PCARE: variants seen among roughly 807,000 people sequenced by gnomAD.
The protein encoded by PCARE is photoreceptor cilium actin regulator.
A neutral mutation model predicts 82.2 loss-of-function variants in PCARE; 72 were observed. That is an observed-to-expected ratio of 0.88 (90% CI 0.72 to 1.07). The LOEUF (loss-of-function observed/expected upper bound fraction) is 1.07. PCARE is among the 50% of genes least tolerant of loss of function. The pLI, the probability that PCARE is intolerant of heterozygous loss-of-function variation, is 0.00. For missense variants in PCARE, 1,768 were observed against 1,592.4 expected (o/e 1.11, Z -1.88); for synonymous variants, 705 against 634.8 (o/e 1.11, Z -1.66).
In PCARE at chr2:29,063,383, C is replaced by G. The variant is rs1667340979; in HGVS notation, c.*1486G>C. 6.6e-6 allele frequency: 1 copy of G among 152,360 alleles called. No individual in the cohort carries two copies. Among genetic ancestry groups the G allele is most frequent in the Admixed American group, 6.5e-5 (1 of 15,280 alleles). 9.4% of individuals were successfully genotyped at this position (152,360 alleles called of 1,614,324 possible). On this transcript the variant is annotated 3_prime_UTR_variant, in exon 2 of 2. Coordinates refer to ENST00000331664, the MANE Select transcript of PCARE (RefSeq NM_001029883.3). ...AGCAGAGGGGTGGGTTGTGGCCCCT[C>G]TTGGTAGTTTAATCAGCTGTTCTTT...
intron 1 of PCARE, among the ~76,000 whole-genome samples, chr2:29,067,825 G>A (rs765190579): frequency 3.3e-5 from 5 of 152,128 alleles, no homozygotes; most frequent in African/African-American, 9.7e-5. Flanking sequence ...GATTACTGGC[G>A]TGAGCCACTG....
rs370440587 is a variant in PCARE at position 29,073,533 on chromosome 2, G to C, written c.729C>G (p.Leu243=). 1.9e-6 allele frequency: 3 copies of C among 1,614,036 alleles called. No individual in the cohort carries two copies. The African/African-American group carries it at 4.0e-5, about 22-fold the overall frequency. Residue 243 remains leucine (L), a synonymous_variant, in exon 1 of 2, where the codon CTC becomes CTG. Transcript: ENST00000331664. The part of the protein sequence containing the change: ...LGEISKDGEV[L]LQEVREDLAW... Reference sequence around the variant, plus strand: ...CCAGATCCTCCCTGACTTCCTGCAGGAGCACTTCTCCATCCTTGGAGATCT... The same window carrying C: ...CCAGATCCTCCCTGACTTCCTGCAGCAGCACTTCTCCATCCTTGGAGATCT...
chr2:29,072,958 A>G lies in PCARE; in HGVS notation c.1304T>C (p.Leu435Pro), dbSNP rs768649742. The G allele has an allele frequency of 4.3e-6, 7 of 1,613,960 alleles. No individual in the cohort carries two copies. The East Asian group carries it at 1.6e-4, about 36-fold the overall frequency. The change falls in exon 1 of 2, where the codon CTC (leucine) becomes CCC (proline). Residue 435 changes from leucine (L) to proline (P), a missense_variant. By Grantham distance (98) the Leu-to-Pro change is moderately conservative. Coordinates refer to ENST00000331664, the MANE Select transcript of PCARE (RefSeq NM_001029883.3). Reference protein sequence around the residue: ...RAQDEARSPCLSSTSPENITS... With the variant: ...RAQDEARSPCPSSTSPENITS... ...GATATTTTCTGGGCTTGTACTGGAG[A>G]GGCATGGGCTCCTTGCTTCGTCCTG...
At chr2:29,067,928 G>C (rs539460467) in intron 1 of PCARE, among the ~76,000 whole-genome samples, 8 of 152,278 alleles carry the variant, frequency 5.3e-5, no homozygotes, top group African/African-American at 1.9e-4. Flanking sequence ...AACCTTTTAG[G>C]CTGCCCTATT....
chr2:29,072,963 T>A lies in PCARE; in HGVS notation c.1299A>T (p.Pro433=). The A allele has an allele frequency of 1.2e-6, 2 of 1,614,114 alleles. No individual in the cohort carries two copies. The highest frequency in any genetic ancestry group is 1.7e-6 in the Non-Finnish European group (2 of 1,180,012). Residue 433 remains proline (P), a synonymous_variant, in exon 1 of 2, where the codon CCA becomes CCT. Transcript: ENST00000331664. ...TTTCTGGGCTTGTACTGGAGAGGCA[T>A]GGGCTCCTTGCTTCGTCCTGTGCTC... is the stretch of plus-strand genomic sequence containing the variant. ...QPRAQDEARS[P]CLSSTSPENI...
At position 29,070,878 on chromosome 2, in the gene PCARE, G is replaced by C; in HGVS notation, c.3384C>G (p.Ser1128=). The change falls in exon 1 of 2, where the codon TCC becomes TCG. Residue 1128 remains serine, a synonymous_variant. Coordinates refer to ENST00000331664, the MANE Select transcript of PCARE (RefSeq NM_001029883.3). ...NTHSIFCPAT[S]SLFEAKPPLS... is the part of the protein sequence containing the mutation. ...GTGGCGGTTTAGCTTCAAACAGAGAGGAGGTAGCTGGGCAGAATATGGAAT... is the reference window on the plus strand; with the variant it reads ...GTGGCGGTTTAGCTTCAAACAGAGACGAGGTAGCTGGGCAGAATATGGAAT... The C allele has an allele frequency of 6.2e-7, 1 of 1,613,920 alleles. No homozygotes were observed. Among genetic ancestry groups the C allele is most frequent in the Non-Finnish European group, 8.5e-7 (1 of 1,180,034 alleles).
At position 29,065,041 on chromosome 2, in the gene PCARE, T is replaced by A; in HGVS notation, c.3695A>T (p.Asp1232Val). Residue 1232 changes from aspartate to valine, a missense_variant, in exon 2 of 2, where the codon GAC (aspartate) becomes GTC (valine). Physicochemically the swap from Asp to Val is radical, Grantham distance 152. Coordinates refer to ENST00000331664, the MANE Select transcript of PCARE (RefSeq NM_001029883.3). ...NSSSEESPKK[D>V]TEPGSSPCSP... ...ACAGGGGCTGCTCCCCGGCTCTGTG[T>A]CCTTCTTAGGGCTCTCCTCGCTGCT... is the stretch of plus-strand genomic sequence containing the variant. The A allele has an allele frequency of 6.5e-7, 1 of 1,549,822 alleles. No individual in the cohort carries two copies. Among genetic ancestry groups the A allele is most frequent in the Non-Finnish European group, 8.7e-7 (1 of 1,147,460 alleles).
At chr2:29,068,108 C>T (rs1400637925) in intron 1 of PCARE, among the ~76,000 whole-genome samples, 1 of 152,172 alleles carries the variant, frequency 6.6e-6, no homozygotes. Flanking sequence ...AATCTAATAA[C>T]TGAATAAGTG....
chr2:29,061,858 G>A lies in PCARE; in HGVS notation c.*3011C>T, dbSNP rs1019667896. The stretch of plus-strand genomic sequence containing the variant: ...GTGAGCAGCCCTTGTCTGAGAAGCT[G>A]TACAGCTGGGTTTGCCCCTCCTGCC... On this transcript the variant is annotated 3_prime_UTR_variant, in exon 2 of 2. Transcript: ENST00000331664. 1.3e-5 allele frequency: 2 copies of A among 152,238 alleles called. No homozygotes were observed. Among genetic ancestry groups the A allele is most frequent in the African/African-American group, 4.8e-5 (2 of 41,452 alleles). The allele number at this position is 152,238 out of a possible 1,614,324, so 9.4% of individuals were successfully genotyped here.
rs778162481 is a variant in PCARE, at chr2:29,073,804, G to A, written c.458C>T (p.Thr153Met). 5.0e-5 allele frequency: 80 copies of A among 1,614,166 alleles called. 1 individual carries two copies. Among genetic ancestry groups the A allele is most frequent in the Admixed American group, 3.7e-4 (22 of 60,020 alleles). ...SKWKRTAKCH[T>M]SSTQSHCYQT... ...GTAGCAGTGGCTCTGTGTGCTTGAC[G>A]TGTGACATTTTGCTGTCCTTTTCCA... The change falls in exon 1 of 2, where the codon ACG becomes ATG. Residue 153 changes from threonine to methionine, a missense_variant. Transcript: ENST00000331664.
In PCARE at chr2:29,064,530, A is replaced by G. The variant is rs1667362455; in HGVS notation, c.*339T>C. On this transcript the variant is annotated 3_prime_UTR_variant, in exon 2 of 2. Coordinates refer to ENST00000331664, the MANE Select transcript of PCARE (RefSeq NM_001029883.3). The stretch of plus-strand genomic sequence containing the variant: ...TTGTGAGGCTTAAGTGATCTCAAGG[A>G]ATGAACCCAGTTAAAACCCTATCAA... 2 of 464,944 alleles carry G rather than the reference A, an allele frequency of 4.3e-6. No individual in the cohort carries two copies. The highest frequency in any genetic ancestry group is 7.9e-6 in the Non-Finnish European group (2 of 253,620). 28.8% of individuals were successfully genotyped at this position (464,944 alleles called of 1,614,324 possible). A position where few individuals can be genotyped will look rare whatever the true frequency, so the allele number is the denominator to read the frequency against.
At position 29,071,372 on chromosome 2, in the gene PCARE, C is replaced by T. The variant is rs371925633; in HGVS notation, c.2890G>A (p.Gly964Ser). ...GTCCTGTTTTGTCCAGATGGAGGGC[C>T]GGAGTGGTGCCAGGCGATGGCCTTC... ...PRKAIAWHHSGPPSGQNRTSE... is the reference protein window; with the variant it reads ...PRKAIAWHHSSPPSGQNRTSE... The change falls in exon 1 of 2, where the codon GGC (glycine) becomes AGC (serine). Residue 964 changes from glycine to serine, a missense_variant. By Grantham distance (56) the Gly-to-Ser change is moderately conservative. Coordinates refer to ENST00000331664, the MANE Select transcript of PCARE (RefSeq NM_001029883.3). 1.6e-4 allele frequency: 263 copies of T among 1,613,594 alleles called. 1 individual carries two copies. In the South Asian group the frequency reaches 2.0e-3, roughly 13 times the overall value.
chr2:29,072,591 C>A lies in PCARE; in HGVS notation c.1671G>T (p.Val557=). Residue 557 remains valine (V), a synonymous_variant, in exon 1 of 2, where the codon GTG becomes GTT. Transcript: ENST00000331664. ...CAGACCAGTCCTGGTGCCCACAGGG[C>A]ACAGGGACAAACTTGATCCTTTCGC... ...SISERIKFVP[V]PCGHQDWSEE... 1 of 1,614,160 alleles carries A rather than the reference C, an allele frequency of 6.2e-7. No individual in the cohort carries two copies. The highest frequency in any genetic ancestry group is 8.5e-7 in the Non-Finnish European group (1 of 1,180,008).
At position 29,072,109 on chromosome 2, in the gene PCARE, G is replaced by C; in HGVS notation, c.2153C>G (p.Thr718Arg). 1.9e-6 allele frequency: 3 copies of C among 1,614,240 alleles called. No individual in the cohort carries two copies. Among genetic ancestry groups the C allele is most frequent in the Non-Finnish European group, 2.5e-6 (3 of 1,180,044 alleles). Residue 718 changes from threonine to arginine, a missense_variant, in exon 1 of 2, where the codon ACA becomes AGA. Thr to Arg is a moderately conservative substitution (Grantham distance 71). Transcript: ENST00000331664. The part of the protein sequence containing the change: ...SGEVSEAAKA[T>R]DWNVRGCPTR... ...GGGACAGCCTCTGACATTCCAGTCT[G>C]TGGCCTTGGCAGCCTCACTGACCTC...
chr2:29,070,176 G>A (rs1667447608), intron 1 of PCARE, among the ~76,000 whole-genome samples: 1 of 152,036 alleles, frequency 6.6e-6, no homozygotes, highest in South Asian at 2.1e-4. Flanking sequence ...AGATATATTT[G>A]TTTCATGGTG....
At chr2:29,068,466 T>C (rs1365779835) in intron 1 of PCARE, among the ~76,000 whole-genome samples, 4 of 152,208 alleles carry the variant, frequency 2.6e-5, no homozygotes, top group Non-Finnish European at 5.9e-5. Context: ...CAAGGACCGA[T>C]GTTAGTTGAG....
chr2:29,071,161 A>G lies in PCARE; in HGVS notation c.3101T>C (p.Val1034Ala), dbSNP rs373615342. 4 of 1,578,538 alleles carry G rather than the reference A, an allele frequency of 2.5e-6. No individual in the cohort carries two copies. The African/African-American group carries it at 5.4e-5, about 21-fold the overall frequency. Residue 1034 changes from valine (V) to alanine (A), a missense_variant, in exon 1 of 2, where the codon GTG becomes GCG. Physicochemically the swap from Val to Ala is moderately conservative, Grantham distance 64 (BLOSUM62 0). Transcript: ENST00000331664. ...GGGTGGGCTTAGCACCCTGGGGCTCACAGGTGGGCTGGGGGGCGTCTGCAC... is the reference window on the plus strand; with the variant it reads ...GGGTGGGCTTAGCACCCTGGGGCTCGCAGGTGGGCTGGGGGGCGTCTGCAC... ...SAVQTPPSPP[V>A]SPRVLSPPTT...
In PCARE at chr2:29,071,928, A is replaced by C. The variant is rs1362116089; in HGVS notation, c.2334T>G (p.Tyr778Ter). ...ATGCTGGAGAAATTTGGGGCTTCGG[A>C]TACAAAGGGGCAAGCCCTGTGTACT... ...FPKYTGLAPL[Y>*]PKPQISPASG... is the part of the protein sequence containing the mutation. Residue 778 changes from tyrosine (Y) to a stop codon, truncating the protein, a stop_gained, in exon 1 of 2, where the codon TAT becomes TAG. Transcript: ENST00000331664. LOFTEE classifies it high-confidence loss of function. The C allele has an allele frequency of 6.2e-7, 1 of 1,614,122 alleles. No homozygotes were observed. Among genetic ancestry groups the C allele is most frequent in the Middle Eastern group, 1.6e-4 (1 of 6,062 alleles).
Position 29,064,723 on chromosome 2 carries a change from C to G in PCARE, c.*146G>C, listed in dbSNP as rs1446718448. ...GGCGATTGTTTAAAATTCAGCAGAC[C>G]CACTGGGCAGTGCACCTTCCAGGCC... is the stretch of plus-strand genomic sequence containing the variant. On this transcript the variant is annotated 3_prime_UTR_variant, in exon 2 of 2. Coordinates refer to ENST00000331664, the MANE Select transcript of PCARE (RefSeq NM_001029883.3). The G allele has an allele frequency of 9.8e-7, 1 of 1,017,450 alleles. No homozygotes were observed. The highest frequency in any genetic ancestry group is 1.5e-6 in the Non-Finnish European group (1 of 683,452). 63.0% of individuals were successfully genotyped at this position (1,017,450 alleles called of 1,614,324 possible).
Sources: gnomAD v4.1 joint callset for allele counts (sites outside exome capture counted in the v4.1 genomes callset) on GRCh38, gnomAD v4.1.1 for gene constraint, MANE v1.5 for transcripts, NCBI Gene and HGNC (gene_info 2026-07-23, HGNC 2026-07-21) for gene names.